Variants in SLC20A2 observed in about 807,000 individuals in gnomAD.
SLC20A2 encodes solute carrier family 20 member 2.
Under a neutral mutation model 61.0 loss-of-function variants are expected in SLC20A2, and 30 were observed. The observed-to-expected ratio is 0.49, with a 90% CI of 0.37 to 0.67. The LOEUF (loss-of-function observed/expected upper bound fraction) is 0.67. Ranked by LOEUF, SLC20A2 falls within the 30% of genes least tolerant of loss-of-function variation. The pLI is 0.00. For synonymous variants in SLC20A2, 351 were observed against 353.3 expected, an observed-to-expected ratio of 0.99 and a Z score of 0.07; for missense variants, 626 against 866.4, an observed-to-expected ratio of 0.72 and a Z score of 3.48.
intron 2 of SLC20A2, among the ~76,000 whole-genome samples, chr8:42,470,224 T>A (rs1468055776): frequency 6.6e-6 from 1 of 151,484 alleles, no homozygotes; most frequent in Admixed American, 6.6e-5. Flanking sequence ...TGATTTTTTT[T>A]TTTTTTTTTT....
chr8:42,508,257 T>C (rs1462393579), intron 1 of SLC20A2, among the ~76,000 whole-genome samples: 1 of 152,192 alleles, frequency 6.6e-6, no homozygotes, highest in African/African-American at 2.4e-5. Context: ...GGTGGGAAGA[T>C]CGCCTGAGGC....
intron 1 of SLC20A2, among the ~76,000 whole-genome samples, chr8:42,473,646 T>C (rs1284341982): frequency 6.6e-6 from 1 of 152,142 alleles, no homozygotes; most frequent in Admixed American, 6.6e-5. Context: ...GATACATCCA[T>C]GAAATAAAAA....
chr8:42,508,713 C>T (rs1419928110), intron 1 of SLC20A2, among the ~76,000 whole-genome samples: 1 of 152,100 alleles, frequency 6.6e-6, no homozygotes, highest in East Asian at 1.9e-4. Context: ...TTGAATGGAG[C>T]CTTCTCCTAA....
intron 1 of SLC20A2, chr8:42,541,602 A>T (rs1345178905): frequency 6.7e-6 from 1 of 148,588 alleles, no homozygotes; most frequent in African/African-American, 2.5e-5. Context: ...GAGGGCGTCC[A>T]GGTCCGCTCG....
At chr8:42,506,614 C>A (rs947989994) in intron 1 of SLC20A2, among the ~76,000 whole-genome samples, 1 of 152,192 alleles carries the variant, frequency 6.6e-6, no homozygotes, top group Non-Finnish European at 1.5e-5. Context: ...TTCAAATGGT[C>A]GTTAAGTATT....
In SLC20A2 at chr8:42,430,144, T is replaced by G; in HGVS notation, c.1629A>C (p.Gly543=). ...PVWLLFYGGV[G]ICTGLWVWGR... is the part of the protein sequence containing the mutation. Reference sequence around the variant, plus strand: ...CCCAGACCCAGAGGCCTGTGCAGATTCCAACTCCTCCATAAAACAGCAGCC... The same window carrying G: ...CCCAGACCCAGAGGCCTGTGCAGATGCCAACTCCTCCATAAAACAGCAGCC... Residue 543 remains glycine, a synonymous_variant, in exon 9 of 11, where the codon GGA becomes GGC. Transcript: ENST00000520262. The G allele has an allele frequency of 6.2e-7, 1 of 1,614,078 alleles. No individual in the cohort carries two copies. Among genetic ancestry groups the G allele is most frequent in the Non-Finnish European group, 8.5e-7 (1 of 1,179,990 alleles).
chr8:42,455,290 A>AGAGAGAGAGC (rs1563478498), intron 5 of SLC20A2, among the ~76,000 whole-genome samples: 1 of 139,554 alleles, frequency 7.2e-6, no homozygotes, highest in African/African-American at 2.6e-5. Context: ...AGAGAGAGAG[A>AGAGAGAGAGC]GAGCGTGCGC....
chr8:42,518,351 T>G (rs1013602833), intron 1 of SLC20A2, among the ~76,000 whole-genome samples: 8 of 151,974 alleles, frequency 5.3e-5, no homozygotes, highest in Admixed American at 1.3e-4. Context: ...TATTCATATT[T>G]TATTCATAAT....
chr8:42,463,820 T>G (rs1369578952), intron 3 of SLC20A2, among the ~76,000 whole-genome samples: 3 of 152,118 alleles, frequency 2.0e-5, no homozygotes. Context: ...GGGATCCCAT[T>G]TGACCCAGGA....
At chr8:42,535,855 G>A (rs766702892) in intron 1 of SLC20A2, among the ~76,000 whole-genome samples, 2 of 152,158 alleles carry the variant, frequency 1.3e-5, no homozygotes, top group Non-Finnish European at 2.9e-5. Flanking sequence ...GCTACTTTCA[G>A]GATAAACCCT....
intron 5 of SLC20A2, among the ~76,000 whole-genome samples, chr8:42,451,603 G>A (rs1222839054): frequency 7.3e-6 from 1 of 136,646 alleles, no homozygotes; most frequent in Non-Finnish European, 1.6e-5. Flanking sequence ...TGGAGGAGGA[G>A]GAGGAAGAGA....
chr8:42,524,122 G>A (rs528380813), intron 1 of SLC20A2, among the ~76,000 whole-genome samples: 2 of 152,278 alleles, frequency 1.3e-5, no homozygotes, highest in East Asian at 1.9e-4. Flanking sequence ...TAATTGCTGG[G>A]AGAGTATACC....
chr8:42,436,867 C>A, intron 8 of SLC20A2, 122 bp downstream of exon 8: 1 of 870,530 alleles, frequency 1.1e-6, no homozygotes, highest in Non-Finnish European at 1.8e-6. Flanking sequence ...CGCCTGCGCA[C>A]CCCTATCCCT....
chr8:42,505,157 G>A (rs1810589887), upstream of SLC20A2, among the ~76,000 whole-genome samples: 1 of 151,618 alleles, frequency 6.6e-6, no homozygotes, highest in South Asian at 2.1e-4. Context: ...CGCCCAGCCT[G>A]GAGTGCAGTG....
At chr8:42,539,525 C>T (rs1434341114) in intron 1 of SLC20A2, among the ~76,000 whole-genome samples, 3 of 152,236 alleles carry the variant, frequency 2.0e-5, no homozygotes, top group African/African-American at 7.2e-5. Flanking sequence ...AAATCTTTCA[C>T]AACTAGCTAC....
At chr8:42,464,092 C>CTT (rs1170751054) in intron 3 of SLC20A2, among the ~76,000 whole-genome samples, 1,769 of 20,470 alleles carry the variant, frequency 0.086, 605 homozygotes, top group Non-Finnish European at 0.12. Flanking sequence ...GCTGGATGAT[C>CTT]TTTTTTTTTT....
rs751849239 is a variant in SLC20A2 at position 42,460,005 on chromosome 8, A to G, written c.517-13T>C. ...GAACAGGGTCTTCCTGTAGGAAGAC[A>G]AGGAGACAGAGTGGAAGGTCAGGAT... is the stretch of plus-strand genomic sequence containing the variant. On this transcript the variant is annotated splice_polypyrimidine_tract_variant and intron_variant, in intron 4 of 10. Coordinates refer to ENST00000520262, the MANE Select transcript of SLC20A2 (RefSeq NM_001257180.2). 1 of 1,473,224 alleles carries G rather than the reference A, an allele frequency of 6.8e-7. No homozygotes were observed. Among genetic ancestry groups the G allele is most frequent in the South Asian group, 1.1e-5 (1 of 87,460 alleles). 91.3% of individuals were successfully genotyped at this position (1,473,224 alleles called of 1,614,324 possible).
At chr8:42,495,294 G>C (rs1197726964) in intron 1 of SLC20A2, among the ~76,000 whole-genome samples, 1 of 152,078 alleles carries the variant, frequency 6.6e-6, no homozygotes, top group Non-Finnish European at 1.5e-5. Context: ...ATAGCTTTTT[G>C]GCTGCCATTA....
At chr8:42,513,282 T>C (rs536686580) in intron 1 of SLC20A2, among the ~76,000 whole-genome samples, 2 of 152,286 alleles carry the variant, frequency 1.3e-5, no homozygotes, top group African/African-American at 4.8e-5. Flanking sequence ...AGTAACTCAG[T>C]TGGAACAATC....
Sources: allele counts gnomAD v4.1 joint callset (sites outside exome capture counted in the v4.1 genomes callset), GRCh38; gene constraint gnomAD v4.1.1; transcripts MANE v1.5; gene names NCBI Gene and HGNC (gene_info 2026-07-23, HGNC 2026-07-21).